Variants in ADARB2 observed in about 807,000 individuals in gnomAD.
The protein encoded by ADARB2 is inactive double-stranded RNA-specific editase B2.
ADARB2 carries 25 observed loss-of-function variants against 62.2 expected under a neutral mutation model. That is an observed-to-expected ratio of 0.40 (90% CI 0.29 to 0.56). ADARB2 has a LOEUF of 0.56. Among genes scored for constraint, ADARB2 ranks in the 20% least tolerant of loss-of-function variants. The pLI, the probability that ADARB2 is intolerant of heterozygous loss-of-function variation, is 0.43. For synonymous variants in ADARB2, 572 were observed against 500.8 expected (o/e 1.14, Z -1.90); for missense variants, 1,071 against 1,077.4 (o/e 0.99, Z 0.08).
chr10:1,580,985 G>A (rs967255872), intron 1 of ADARB2, among the ~76,000 whole-genome samples: 1 of 152,198 alleles, frequency 6.6e-6, no homozygotes, highest in African/African-American at 2.4e-5. Flanking sequence ...CCACTGAAGG[G>A]CATCTTGGTT....
intron 3 of ADARB2, chr10:1,291,085 T>C (rs927810187): frequency 3.9e-5 from 6 of 152,210 alleles, no homozygotes; most frequent in African/African-American, 1.4e-4. Context: ...GAGAAAGAGA[T>C]TCCCTTGGAA....
intron 1 of ADARB2, among the ~76,000 whole-genome samples, chr10:1,654,608 C>T (rs187889112): frequency 9.5e-4 from 145 of 152,356 alleles, no homozygotes; most frequent in African/African-American, 3.2e-3. Context: ...CCCACCTACC[C>T]CTCTAGACAG....
At chr10:1,625,277 A>G (rs993973668) in intron 1 of ADARB2, among the ~76,000 whole-genome samples, 27 of 152,222 alleles carry the variant, frequency 1.8e-4, no homozygotes, top group African/African-American at 6.5e-4. Flanking sequence ...TGAACTCGCC[A>G]TCTTTACACT....
intron 1 of ADARB2, among the ~76,000 whole-genome samples, chr10:1,456,934 AC>A (rs1426006644): frequency 1.3e-5 from 2 of 150,040 alleles, no homozygotes; most frequent in Non-Finnish European, 3.0e-5. Context: ...AGCTGAGATT[AC>A]AGGCAAGCGC....
intron 1 of ADARB2, among the ~76,000 whole-genome samples, chr10:1,729,020 C>G (rs1181023341): frequency 6.6e-6 from 1 of 152,168 alleles, no homozygotes; most frequent in African/African-American, 2.4e-5. Flanking sequence ...AAAAAATTGG[C>G]ATAGAATTCT....
chr10:1,673,339 T>C (rs1235235997), intron 1 of ADARB2, among the ~76,000 whole-genome samples: 4 of 152,040 alleles, frequency 2.6e-5, no homozygotes, highest in African/African-American at 7.2e-5. Context: ...TGTGTGTGTG[T>C]GTGTATGTGT....
chr10:1,355,967 T>A (rs1832191362), intron 3 of ADARB2, among the ~76,000 whole-genome samples: 1 of 152,236 alleles, frequency 6.6e-6, no homozygotes, highest in African/African-American at 2.4e-5. Flanking sequence ...TAAATGTATA[T>A]CATACATTGT....
intron 1 of ADARB2, among the ~76,000 whole-genome samples, chr10:1,691,616 G>A (rs1003146168): frequency 6.6e-6 from 1 of 152,172 alleles, no homozygotes; most frequent in Non-Finnish European, 1.5e-5. Context: ...TAAATAGAAT[G>A]TACTGTTCAC....
intron 3 of ADARB2, among the ~76,000 whole-genome samples, chr10:1,296,894 T>TG (rs1831528243): frequency 6.6e-6 from 1 of 152,236 alleles, no homozygotes; most frequent in Non-Finnish European, 1.5e-5. Flanking sequence ...CCTGGCTCCT[T>TG]GCTAAGATGC....
At chr10:1,728,705 C>T (rs985044825) in intron 1 of ADARB2, among the ~76,000 whole-genome samples, 1 of 152,192 alleles carries the variant, frequency 6.6e-6, no homozygotes, top group Non-Finnish European at 1.5e-5. Context: ...AACAAAGAAC[C>T]TTAACTTCCT....
chr10:1,205,218 C>T (rs1837036821), intron 7 of ADARB2, among the ~76,000 whole-genome samples: 1 of 152,202 alleles, frequency 6.6e-6, no homozygotes, highest in South Asian at 2.1e-4. Context: ...AGTGAGCCAA[C>T]CCCCGAGCTC....
intron 1 of ADARB2, among the ~76,000 whole-genome samples, chr10:1,592,333 ACCCTC>A (rs1356269677): frequency 6.9e-6 from 1 of 143,982 alleles, no homozygotes; most frequent in African/African-American, 2.6e-5. Context: ...CGCCCAAGCC[ACCCTC>A]CATAGGTCTC....
At chr10:1,203,962 T>G (rs1330217088) in intron 7 of ADARB2, among the ~76,000 whole-genome samples, 1 of 152,158 alleles carries the variant, frequency 6.6e-6, no homozygotes, top group African/African-American at 2.4e-5. Context: ...CTAAGGAGGC[T>G]CCAGGTGGCT....
At chr10:1,657,915 A>C (rs1385082204) in intron 1 of ADARB2, among the ~76,000 whole-genome samples, 4 of 149,822 alleles carry the variant, frequency 2.7e-5, no homozygotes, top group African/African-American at 7.4e-5. Context: ...GTCTCTCTTT[A>C]TCTGATTCTC....
At chr10:1,279,979 G>A (rs2131804494) in intron 3 of ADARB2, among the ~76,000 whole-genome samples, 1 of 152,320 alleles carries the variant, frequency 6.6e-6, no homozygotes, top group East Asian at 1.9e-4. Context: ...TTCTGGGGCT[G>A]TTGGGATGGG....
intron 1 of ADARB2, chr10:1,678,241 T>G (rs1476945219): frequency 3.0e-6 from 3 of 984,712 alleles, no homozygotes; most frequent in Non-Finnish European, 3.6e-6. Flanking sequence ...AGGGTGAGTG[T>G]CCTCGGGGTG....
chr10:1,676,303 C>G lies in ADARB2; in HGVS notation c.100+60748G>C, dbSNP rs968865384. Among the ~76,000 whole-genome samples, 6 of 152,118 alleles carry G rather than the reference C, an allele frequency of 3.9e-5. No individual in the cohort carries two copies. The South Asian group carries it at 6.2e-4, about 16-fold the overall frequency. Reference sequence around the variant, plus strand: ...TCACAGACCCAAGGGCCTCTAGACGCCCCCACCCAGAACTGCTGAGTGAAT... The same window carrying G: ...TCACAGACCCAAGGGCCTCTAGACGGCCCCACCCAGAACTGCTGAGTGAAT... On this transcript the variant is annotated intron_variant, in intron 1 of 9. Transcript: ENST00000381312.
intron 1 of ADARB2, among the ~76,000 whole-genome samples, chr10:1,519,504 G>A (rs186332803): frequency 6.6e-6 from 1 of 152,256 alleles, no homozygotes; most frequent in East Asian, 1.9e-4. Flanking sequence ...GCCTACTTTT[G>A]TGTCTGAGGA....
intron 4 of ADARB2, among the ~76,000 whole-genome samples, chr10:1,258,212 TA>T (rs1439530333): frequency 6.6e-6 from 1 of 152,170 alleles, no homozygotes. Flanking sequence ...AAGGTAAATA[TA>T]AGAATATTTT....
Sources: allele counts gnomAD v4.1 joint callset (sites outside exome capture counted in the v4.1 genomes callset), GRCh38; gene constraint gnomAD v4.1.1; transcripts MANE v1.5; gene names NCBI Gene and HGNC (gene_info 2026-07-23, HGNC 2026-07-21).